Variants in CCDC30 observed in about 807,000 individuals in gnomAD.
CCDC30 encodes coiled-coil domain-containing protein 30.
CCDC30 carries 70 observed loss-of-function variants against 100.2 expected under a neutral mutation model. That is an observed-to-expected ratio of 0.70 (90% CI 0.58 to 0.85). The LOEUF is 0.85. CCDC30 is among the 40% of genes least tolerant of loss of function. The pLI is 0.00. For missense variants in CCDC30, 652 were observed against 771.2 expected, an observed-to-expected ratio of 0.85 and a Z score of 1.83; for synonymous variants, 233 against 269.5, an observed-to-expected ratio of 0.86 and a Z score of 1.33.
At chr1:42,614,509 A>G (rs1033498168) in intron 11 of CCDC30, among the ~76,000 whole-genome samples, 3 of 151,930 alleles carry the variant, frequency 2.0e-5, no homozygotes, top group Non-Finnish European at 4.4e-5. Flanking sequence ...GAACAGGGCC[A>G]GGCGCAGTGG....
At chr1:42,521,852 A>G (rs1263606458) in intron 6 of CCDC30, among the ~76,000 whole-genome samples, 1 of 151,874 alleles carries the variant, frequency 6.6e-6, no homozygotes, top group Non-Finnish European at 1.5e-5. Flanking sequence ...ATTTTGTCTG[A>G]TATTAGTATA....
chr1:42,558,212 C>A, intron 6 of CCDC30: 1 of 209,818 alleles, frequency 4.8e-6, no homozygotes, highest in Non-Finnish European at 1.1e-5. Context: ...GAAGCTAAAA[C>A]TTTTGGGCCT....
chr1:42,571,057 A>G (rs1248481757), intron 7 of CCDC30: 1 of 152,338 alleles, frequency 6.6e-6, no homozygotes, highest in East Asian at 1.9e-4. Flanking sequence ...TGGCCATAAC[A>G]GTGTTTGCCC....
chr1:42,527,959 G>A (rs558085564), intron 6 of CCDC30, among the ~76,000 whole-genome samples: 1 of 151,838 alleles, frequency 6.6e-6, no homozygotes, highest in South Asian at 2.1e-4. Flanking sequence ...TCTGCCTCCC[G>A]GGTTCAAGTG....
intron 13 of CCDC30, among the ~76,000 whole-genome samples, chr1:42,643,178 C>G (rs190792825): frequency 6.6e-6 from 1 of 152,162 alleles, no homozygotes; most frequent in Non-Finnish European, 1.5e-5. Context: ...TTACTATATG[C>G]TAGGCACTGT....
At chr1:42,608,686 C>T (rs1969827) in intron 10 of CCDC30, among the ~76,000 whole-genome samples, 28,945 of 127,386 alleles carry the variant, frequency 0.23, 3,158 homozygotes, top group South Asian at 0.44. Flanking sequence ...GCCTGGGCGA[C>T]AGACAGAGCG....
intron 11 of CCDC30, 67 bp downstream of exon 15, chr1:42,611,157 C>A: frequency 1.1e-6 from 1 of 935,790 alleles, no homozygotes; most frequent in Non-Finnish European, 1.7e-6. Context: ...TGAGCAGGCT[C>A]TAGGGCTAAA....
At chr1:42,554,519 C>G (rs1645327874) in intron 6 of CCDC30, among the ~76,000 whole-genome samples, 1 of 151,618 alleles carries the variant, frequency 6.6e-6, no homozygotes, top group South Asian at 2.1e-4. Flanking sequence ...CTCAGGTGAT[C>G]CGCCCACCTC....
chr1:42,493,689 T>C (rs1569799495), intron 4 of CCDC30, among the ~76,000 whole-genome samples: 3 of 152,316 alleles, frequency 2.0e-5, no homozygotes, highest in Admixed American at 2.0e-4. Context: ...GATAAACTTT[T>C]AGCTAGATTG....
intron 11 of CCDC30, among the ~76,000 whole-genome samples, chr1:42,631,584 A>G (rs1173453780): frequency 6.6e-6 from 1 of 152,214 alleles, no homozygotes; most frequent in African/African-American, 2.4e-5. Context: ...CCCATGCCCC[A>G]GGCAGGTCCA....
At chr1:42,581,547 G>A in intron 9 of CCDC30, 33 bp downstream of exon 13, 2 of 1,589,586 alleles carry the variant, frequency 1.3e-6, no homozygotes, top group Non-Finnish European at 1.7e-6. Context: ...TTTCCTGTGG[G>A]TTTAGCCATG....
At chr1:42,566,805 T>C (rs1002730223) in intron 7 of CCDC30, among the ~76,000 whole-genome samples, 45 of 152,192 alleles carry the variant, frequency 3.0e-4, no homozygotes, top group African/African-American at 1.1e-3. Flanking sequence ...ATTAGATGTA[T>C]CCATTATTAT....
Position 42,475,931 on chromosome 1 carries a change from A to T in CCDC30, c.-91-4530A>T, listed in dbSNP as rs1457180052. ...GAGCCTGAGAATTAAGTTGATATAA[A>T]ACAGATTAACAGGAGAAAAGCATAC... On this transcript the variant is annotated intron_variant, in intron 1 of 16. Coordinates refer to ENST00000668663, the Ensembl canonical transcript of CCDC30. Among the ~76,000 whole-genome samples the T allele has an allele frequency of 4.6e-5, 7 of 152,238 alleles. No homozygotes were observed. The East Asian group carries it at 1.4e-3, about 29-fold the overall frequency.
intron 1 of CCDC30, among the ~76,000 whole-genome samples, chr1:42,466,201 C>T (rs1379576034): frequency 1.3e-5 from 2 of 152,180 alleles, no homozygotes; most frequent in East Asian, 3.8e-4. Flanking sequence ...GTGCTATGTA[C>T]TTTGTTCCCT....
At chr1:42,547,806 A>G (rs1403965835) in intron 6 of CCDC30, among the ~76,000 whole-genome samples, 1 of 152,122 alleles carries the variant, frequency 6.6e-6, no homozygotes. Flanking sequence ...TGTATCTACC[A>G]TGTGTCAGGC....
At chr1:42,572,811 G>T (rs1238317311) in intron 7 of CCDC30, among the ~76,000 whole-genome samples, 1 of 152,032 alleles carries the variant, frequency 6.6e-6, no homozygotes, top group African/African-American at 2.4e-5. Context: ...TAGATACAGG[G>T]TTTCACCATA....
intron 6 of CCDC30, among the ~76,000 whole-genome samples, chr1:42,544,286 C>T: frequency 6.6e-6 from 1 of 152,174 alleles, no homozygotes. Context: ...AGTAACCTTT[C>T]AGGAAAGGAA....
intron 6 of CCDC30, among the ~76,000 whole-genome samples, chr1:42,555,019 G>T (rs914426607): frequency 1.3e-5 from 2 of 152,038 alleles, no homozygotes; most frequent in Admixed American, 1.3e-4. Flanking sequence ...CAGAAATCCA[G>T]GTCATGATGA....
chr1:42,537,372 A>G (rs1465808946), intron 6 of CCDC30: 1 of 397,698 alleles, frequency 2.5e-6, no homozygotes. Context: ...CCCTAATCTC[A>G]TCCTAATGAC....
Sources: gnomAD v4.1 joint callset for allele counts (sites outside exome capture counted in the v4.1 genomes callset) on GRCh38, gnomAD v4.1.1 for gene constraint, MANE v1.5 for transcripts, NCBI Gene and HGNC (gene_info 2026-07-23, HGNC 2026-07-21) for gene names.